Variants in OR9Q1 observed in about 807,000 individuals in gnomAD.
OR9Q1 encodes the protein olfactory receptor 9Q1.
For synonymous variants in OR9Q1, 153 were observed against 148.6 expected (o/e 1.03, Z -0.22); for missense variants, 374 against 378.8 (o/e 0.99, Z 0.11).
At chr11:58,031,280 T>A in intron 1 of OR9Q1, 1 of 1,614,162 alleles carries the variant, frequency 6.2e-7, no homozygotes, top group Middle Eastern at 1.6e-4. Flanking sequence ...CATCTTCACC[T>A]TTCTTGGGGC....
intron 1 of OR9Q1, among the ~76,000 whole-genome samples, chr11:58,035,945 GTTTTTT>G (rs386373862): frequency 7.1e-6 from 1 of 141,486 alleles, no homozygotes; most frequent in East Asian, 2.0e-4. Flanking sequence ...ACTGGTACTG[GTTTTTT>G]TTTTTTTTTA....
chr11:58,179,994 C>A lies in OR9Q1; in HGVS notation c.550C>A (p.Leu184Met). Residue 184 changes from leucine to methionine, a missense_variant, in exon 3 of 3, where the codon CTG (leucine) becomes ATG (methionine). Coordinates refer to ENST00000335397, the MANE Select transcript of OR9Q1 (RefSeq NM_001005212.4). ...IDFIFCDLPPLLKLTCGESYT... is the reference protein window; with the variant it reads ...IDFIFCDLPPMLKLTCGESYT... ...CTTTATTTTCTGTGACCTCCCTCCT[C>A]TGTTAAAGTTGACCTGTGGGGAGAG... 6.2e-7 allele frequency: 1 copy of A among 1,614,084 alleles called. No homozygotes were observed. The highest frequency in any genetic ancestry group is 8.5e-7 in the Non-Finnish European group (1 of 1,179,992).
intron 1 of OR9Q1, among the ~76,000 whole-genome samples, chr11:58,048,472 G>A: frequency 7.1e-6 from 1 of 140,130 alleles, no homozygotes; most frequent in Non-Finnish European, 1.5e-5. Context: ...CCAACATGGT[G>A]AAACCCCACC....
At chr11:58,167,479 TGTC>T (rs1444750382) in intron 2 of OR9Q1, among the ~76,000 whole-genome samples, 1 of 152,214 alleles carries the variant, frequency 6.6e-6, no homozygotes, top group East Asian at 1.9e-4. Flanking sequence ...TAGATCAGCT[TGTC>T]GTGTTTTATC....
At chr11:58,178,669 C>T (rs768911647) in intron 2 of OR9Q1, among the ~76,000 whole-genome samples, 12 of 151,764 alleles carry the variant, frequency 7.9e-5, no homozygotes, top group Non-Finnish European at 1.2e-4. Flanking sequence ...AAGGAAGTTT[C>T]GGCTCAGAAT....
intron 2 of OR9Q1, among the ~76,000 whole-genome samples, chr11:58,106,443 G>C (rs1853841361): frequency 2.0e-5 from 3 of 151,830 alleles, no homozygotes; most frequent in Admixed American, 1.3e-4. Flanking sequence ...CCATTCTTTG[G>C]GTAGCTTTTT....
intron 1 of OR9Q1, among the ~76,000 whole-genome samples, chr11:58,053,534 C>G (rs2119972697): frequency 7.0e-6 from 1 of 143,264 alleles, no homozygotes; most frequent in Admixed American, 7.2e-5. Context: ...ACCAGCATGG[C>G]ACATGTATAC....
chr11:58,104,775 C>G (rs1476587436), intron 2 of OR9Q1, among the ~76,000 whole-genome samples: 1 of 152,056 alleles, frequency 6.6e-6, no homozygotes, highest in East Asian at 1.9e-4. Context: ...ATCCTCTGCT[C>G]TGGTGATTGA....
At chr11:58,163,877 T>C (rs1010109379) in intron 2 of OR9Q1, among the ~76,000 whole-genome samples, 8 of 152,218 alleles carry the variant, frequency 5.3e-5, no homozygotes, top group African/African-American at 1.9e-4. Flanking sequence ...AAGTCAGAAC[T>C]AGAATTCAGG....
intron 2 of OR9Q1, among the ~76,000 whole-genome samples, chr11:58,113,998 G>A (rs1853926971): frequency 6.6e-6 from 1 of 152,138 alleles, no homozygotes. Context: ...GGTCCAAGGA[G>A]AATGAGATTG....
chr11:58,113,607 T>C (rs1853923119), intron 2 of OR9Q1, among the ~76,000 whole-genome samples: 1 of 152,220 alleles, frequency 6.6e-6, no homozygotes, highest in Non-Finnish European at 1.5e-5. Flanking sequence ...GCTAGCTCAT[T>C]CGCAGTTCAT....
intron 1 of OR9Q1, among the ~76,000 whole-genome samples, chr11:58,054,209 T>G (rs987203715): frequency 6.6e-6 from 1 of 152,232 alleles, no homozygotes; most frequent in Admixed American, 6.5e-5. Flanking sequence ...CTAGTGACTT[T>G]AGATCCAGTG....
At chr11:58,048,685 T>TATATATATAC in intron 1 of OR9Q1, among the ~76,000 whole-genome samples, 2 of 144,442 alleles carry the variant, frequency 1.4e-5, no homozygotes, top group Non-Finnish European at 3.0e-5. Flanking sequence ...AAAAAATATA[T>TATATATATAC]ATATATATAT....
intron 1 of OR9Q1, among the ~76,000 whole-genome samples, chr11:58,027,554 C>T (rs1286701691): frequency 6.6e-6 from 1 of 152,134 alleles, no homozygotes; most frequent in Non-Finnish European, 1.5e-5. Context: ...CTATTTAAAT[C>T]TGATCCTTTA....
chr11:58,078,021 G>C (rs1176279536), intron 2 of OR9Q1, among the ~76,000 whole-genome samples: 1 of 152,156 alleles, frequency 6.6e-6, no homozygotes, highest in Admixed American at 6.6e-5. Context: ...GCCAGGCATG[G>C]TGGTGCATGC....
intron 1 of OR9Q1, among the ~76,000 whole-genome samples, chr11:58,032,287 G>A (rs1853049883): frequency 6.6e-6 from 1 of 152,012 alleles, no homozygotes; most frequent in Non-Finnish European, 1.5e-5. Flanking sequence ...CAAAAAAGGA[G>A]CCCAAATTGC....
In OR9Q1 at chr11:58,179,031, A is replaced by AGAGAGAGAGAGAGAGT. The variant is rs1854633956; in HGVS notation, c.-14-394_-14-393insGAGAGAGAGTGAGAGA. Among the ~76,000 whole-genome samples the AGAGAGAGAGAGAGAGT allele has an allele frequency of 6.7e-5, 10 of 149,164 alleles. No homozygotes were observed. The South Asian group carries it at 1.9e-3, about 29-fold the overall frequency. ...GAAAGAAAGAGAGAGAGAGAGAGAG[A>AGAGAGAGAGAGAGAGT]GAGAGACAGGCTCTCACTCTGTTGC... On this transcript the variant is annotated intron_variant, in intron 2 of 2. Transcript: ENST00000335397.
intron 2 of OR9Q1, among the ~76,000 whole-genome samples, chr11:58,068,182 CAA>C (rs3035014): frequency 0.56 from 81,741 of 145,704 alleles, 23,274 homozygotes; most frequent in African/African-American, 0.66. Context: ...TACAAAAATA[CAA>C]AAAAAAAAAA....
intron 2 of OR9Q1, among the ~76,000 whole-genome samples, chr11:58,082,243 C>G (rs1224909699): frequency 6.6e-6 from 1 of 152,064 alleles, no homozygotes; most frequent in East Asian, 1.9e-4. Flanking sequence ...AGCATTTGAC[C>G]CAGCCATCCC....
Sources: gnomAD v4.1 joint callset for allele counts (sites outside exome capture counted in the v4.1 genomes callset) on GRCh38, gnomAD v4.1.1 for gene constraint, MANE v1.5 for transcripts, NCBI Gene and HGNC (gene_info 2026-07-23, HGNC 2026-07-21) for gene names.